The following UTY variants were observed in gnomAD, a reference collection of about 807,000 sequenced individuals.
UTY encodes ubiquitously transcribed tetratricopeptide repeat containing, Y-linked.
Under a neutral mutation model 32.5 loss-of-function variants are expected in UTY, and 12 were observed. The observed-to-expected ratio is 0.37, with a 90% CI of 0.24 to 0.60. UTY has a LOEUF of 0.60. UTY is among the 20% of genes least tolerant of loss of function. The probability of loss-of-function intolerance (pLI) is 0.69; values close to 1 mark genes in which losing one functional copy is unlikely to be tolerated. For synonymous variants in UTY, 131 were observed against 103.4 expected (o/e 1.27, Z -1.62); for missense variants, 303 against 299.2 (o/e 1.01, Z -0.09).
intron 2 of UTY, among the ~76,000 whole-genome samples, chrY:13,474,894 A>C (rs767085278): frequency 3.0e-5 from 1 of 33,833 alleles, no homozygotes; most frequent in East Asian, 7.7e-4. Flanking sequence ...TCACCACGCC[A>C]GGCCAAGTAA....
intron 8 of UTY, among the ~76,000 whole-genome samples, chrY:13,384,326 T>C (rs2066475260): frequency 2.9e-5 from 1 of 33,964 alleles, no homozygotes; most frequent in South Asian, 6.4e-4. Context: ...GACAGTTTAA[T>C]TGAAAATCAA....
intron 4 of UTY, among the ~76,000 whole-genome samples, chrY:13,444,156 G>T (rs1045912307): frequency 1.2e-4 from 4 of 32,845 alleles, no homozygotes; most frequent in African/African-American, 4.8e-4. Context: ...ATGAAAAAGG[G>T]AACCTTATAA....
intron 4 of UTY, among the ~76,000 whole-genome samples, chrY:13,415,001 C>T (rs2071502224): frequency 3.3e-5 from 1 of 30,150 alleles, no homozygotes; most frequent in Non-Finnish European, 8.0e-5. Flanking sequence ...AAGGTAGTTA[C>T]CTTTTTTTTT....
chrY:13,264,972 T>C (rs2055635084), intron 27 of UTY, among the ~76,000 whole-genome samples: 1 of 33,672 alleles, frequency 3.0e-5, no homozygotes, highest in South Asian at 6.6e-4. Flanking sequence ...CTAGCCAGTT[T>C]TCCCAACACC....
intron 17 of UTY, among the ~76,000 whole-genome samples, chrY:13,339,456 C>G (rs2061344048): frequency 3.0e-5 from 1 of 33,447 alleles, no homozygotes; most frequent in African/African-American, 1.2e-4. Context: ...AAGGCAAGAC[C>G]TGTCCCATAA....
At chrY:13,245,013 C>T (rs2148325713), downstream of UTY, among the ~76,000 whole-genome samples, 1 of 33,392 alleles carries the variant, frequency 3.0e-5, no homozygotes, top group East Asian at 7.8e-4. Context: ...AAAAATCAAC[C>T]AACACAAATT....
Position 13,466,521 on chromosome Y carries a change from T to C in UTY, c.325+3600A>G, listed in dbSNP as rs757497345. On this transcript the variant is annotated intron_variant, in intron 3 of 29. Coordinates refer to ENST00000545955, the MANE Select transcript of UTY (RefSeq NM_001258249.2). ...AAGACCTATTAGTGGGAAGCACCCA[T>C]TTTATGTTCTTATACTCTATGTACC... Among the ~76,000 whole-genome samples the C allele has an allele frequency of 2.4e-4, 8 of 33,878 alleles. No homozygotes were observed. In the East Asian group the frequency reaches 6.0e-3, roughly 26 times the overall value. 90.9% of individuals were successfully genotyped at this position (33,878 alleles called of 37,273 possible). A position where few individuals can be genotyped will look rare whatever the true frequency, so the allele number is the denominator to read the frequency against.
At chrY:13,397,123 C>T (rs2149537096) in intron 6 of UTY, 151 bp from the exon 7 acceptor site, 2 of 83,008 alleles carry the variant, frequency 2.4e-5, no homozygotes, top group Non-Finnish European at 4.4e-5. Flanking sequence ...TACTGTAATT[C>T]CAAATTTATT....
At chrY:13,418,780 A>T in intron 4 of UTY, among the ~76,000 whole-genome samples, 1 of 33,879 alleles carries the variant, frequency 3.0e-5, no homozygotes, top group Non-Finnish European at 7.3e-5. Flanking sequence ...GACGTCACTA[A>T]TTCTTTTTGC....
At chrY:13,456,037 T>C in intron 3 of UTY, among the ~76,000 whole-genome samples, 1 of 32,218 alleles carries the variant, frequency 3.1e-5, no homozygotes, top group African/African-American at 1.2e-4. Context: ...ATTTACAACA[T>C]AAGGACAAAG....
At chrY:13,274,138 C>A (rs2056513163) in intron 27 of UTY, among the ~76,000 whole-genome samples, 1 of 33,322 alleles carries the variant, frequency 3.0e-5, no homozygotes, top group Non-Finnish European at 7.4e-5. Flanking sequence ...TTAAAAAAGA[C>A]TAAACAGATA....
upstream of UTY, chrY:13,480,068 A>G: frequency 1.4e-5 from 1 of 70,873 alleles, no homozygotes; most frequent in Non-Finnish European, 3.1e-5. Flanking sequence ...GACTTACGTC[A>G]GGCATTGCTC....
At chrY:13,374,676 G>A in intron 8 of UTY, among the ~76,000 whole-genome samples, 1 of 33,384 alleles carries the variant, frequency 3.0e-5, no homozygotes, top group South Asian at 6.6e-4. Context: ...CCTAGAATCA[G>A]CCACTTCTCC....
At chrY:13,438,967 T>C in intron 4 of UTY, among the ~76,000 whole-genome samples, 1 of 32,986 alleles carries the variant, frequency 3.0e-5, no homozygotes, top group Non-Finnish European at 7.4e-5. Flanking sequence ...TGCTACCCTC[T>C]ATGCTCATGG....
At chrY:13,374,172 C>T in intron 8 of UTY, among the ~76,000 whole-genome samples, 1 of 33,126 alleles carries the variant, frequency 3.0e-5, no homozygotes, top group East Asian at 7.9e-4. Flanking sequence ...GCTGGGATTA[C>T]AGGGCACATG....
intron 3 of UTY, 51 bp from the exon 4 acceptor site, chrY:13,449,117 C>T: frequency 4.3e-6 from 1 of 233,976 alleles, no homozygotes; most frequent in South Asian, 4.8e-5. Flanking sequence ...TTTAAAAATC[C>T]ACTGTAAGAC....
intron 27 of UTY, among the ~76,000 whole-genome samples, chrY:13,286,095 A>G (rs767363764): frequency 2.9e-5 from 1 of 34,024 alleles, no homozygotes; most frequent in African/African-American, 1.2e-4. Flanking sequence ...AGTCCCTGCA[A>G]AGTGACTCTG....
At chrY:13,356,881 T>G in intron 15 of UTY, among the ~76,000 whole-genome samples, 4 of 31,341 alleles carry the variant, frequency 1.3e-4, no homozygotes, top group African/African-American at 5.0e-4. Context: ...TGGTTTTAGT[T>G]AAATGTATTA....
At chrY:13,475,427 A>G (rs548710592) in intron 2 of UTY, among the ~76,000 whole-genome samples, 28 of 34,207 alleles carry the variant, frequency 8.2e-4, no homozygotes, top group African/African-American at 3.2e-3. Context: ...ACAATCTTAT[A>G]TTCTTTAAAA....
Sources: allele counts gnomAD v4.1 joint callset (sites outside exome capture counted in the v4.1 genomes callset), GRCh38; gene constraint gnomAD v4.1.1; transcripts MANE v1.5; gene names NCBI Gene and HGNC (gene_info 2026-07-23, HGNC 2026-07-21).